Variants in PTPRC observed in about 807,000 individuals in gnomAD.
The protein encoded by PTPRC is protein tyrosine phosphatase receptor type C, also known as receptor-type tyrosine-protein phosphatase C.
In PTPRC, 44 loss-of-function variants were observed where a neutral mutation model predicts 155.9. The ratio of observed to expected loss-of-function variants is 0.28; its 90% CI spans 0.22 to 0.36. The LOEUF (loss-of-function observed/expected upper bound fraction) is 0.36, where lower values mean the gene tolerates loss of function less well. PTPRC is among the 10% of genes least tolerant of loss of function. The pLI, the probability that PTPRC is intolerant of heterozygous loss-of-function variation, is 1.00. For synonymous variants in PTPRC, 525 were observed against 533.1 expected (o/e 0.98, Z 0.21); for missense variants, 1,401 against 1,564.6 (o/e 0.90, Z 1.76).
At chr1:198,661,249 T>C (rs1168318423) in intron 2 of PTPRC, among the ~76,000 whole-genome samples, 2 of 151,442 alleles carry the variant, frequency 1.3e-5, no homozygotes, top group Non-Finnish European at 1.5e-5. Flanking sequence ...TAAAGAGGTT[T>C]TGTCTATGTG....
At chr1:198,639,651 A>C (rs962940315) in intron 2 of PTPRC, among the ~76,000 whole-genome samples, 4 of 152,114 alleles carry the variant, frequency 2.6e-5, no homozygotes, top group Non-Finnish European at 5.9e-5. Flanking sequence ...TTCCAAAGTG[A>C]CAATAACACA....
chr1:198,721,069 A>G (rs1449944598), intron 14 of PTPRC, among the ~76,000 whole-genome samples: 1 of 152,194 alleles, frequency 6.6e-6, no homozygotes, highest in Non-Finnish European at 1.5e-5. Flanking sequence ...TTAACGTTCA[A>G]AGTAGGAGAT....
At chr1:198,654,922 C>A (rs914753261) in intron 2 of PTPRC, among the ~76,000 whole-genome samples, 1 of 151,806 alleles carries the variant, frequency 6.6e-6, no homozygotes, top group African/African-American at 2.4e-5. Context: ...GGAAATATAT[C>A]AGTGGACTGA....
chr1:198,709,441 GA>G (rs1200570966), intron 10 of PTPRC, among the ~76,000 whole-genome samples: 6 of 144,916 alleles, frequency 4.1e-5, no homozygotes, highest in Admixed American at 6.9e-5. Context: ...TCCAAAATCT[GA>G]AAAAAAAAAC....
At chr1:198,680,136 G>A in intron 2 of PTPRC, 1 of 411,680 alleles carries the variant, frequency 2.4e-6, no homozygotes, top group Non-Finnish European at 4.3e-6. Context: ...AGCCAGGGAA[G>A]CCGGGGCTCA....
Position 198,733,541 on chromosome 1 carries a change from G to A in PTPRC, c.2143-655G>A, listed in dbSNP as rs576850113. On this transcript the variant is annotated intron_variant, in intron 20 of 32. Coordinates refer to ENST00000442510, the MANE Select transcript of PTPRC (RefSeq NM_002838.5). ...GGCAAAGGTCATCCCTCTCTGAAGA[G>A]CTCCTTTAGTTACTGAGGTGAATTT... 1.4e-4 allele frequency among the ~76,000 whole-genome samples: 21 copies of A among 151,892 alleles called. 1 individual carries two copies. The South Asian group carries it at 4.3e-3, about 31-fold the overall frequency.
intron 7 of PTPRC, 91 bp from the exon 8 acceptor site, chr1:198,704,381 A>T: frequency 3.1e-6 from 5 of 1,589,514 alleles, no homozygotes; most frequent in Non-Finnish European, 4.3e-6. Context: ...TTTATGAAGT[A>T]GAAGTATTGT....
chr1:198,698,847 A>G (rs191499840), intron 4 of PTPRC, among the ~76,000 whole-genome samples: 2 of 152,304 alleles, frequency 1.3e-5, no homozygotes, highest in Middle Eastern at 3.4e-3. Context: ...AAGACACACA[A>G]TGAAAATACC....
intron 2 of PTPRC, among the ~76,000 whole-genome samples, chr1:198,683,805 A>G (rs1312766534): frequency 6.6e-6 from 1 of 152,102 alleles, no homozygotes; most frequent in East Asian, 1.9e-4. Context: ...ATAAATATAC[A>G]TAACTGATAA....
intron 23 of PTPRC, among the ~76,000 whole-genome samples, chr1:198,737,439 T>A (rs1490154840): frequency 6.6e-6 from 1 of 151,666 alleles, no homozygotes; most frequent in East Asian, 1.9e-4. Context: ...TACAATCTAT[T>A]GTGGAGACTG....
At chr1:198,693,076 T>G in intron 3 of PTPRC, 6 of 977,038 alleles carry the variant, frequency 6.1e-6, no homozygotes, top group Non-Finnish European at 7.3e-6. Flanking sequence ...ATTAAGAAGG[T>G]AAGTAAAACA....
intron 14 of PTPRC, among the ~76,000 whole-genome samples, chr1:198,720,205 G>A (rs562986901): frequency 4.5e-4 from 69 of 152,284 alleles, no homozygotes; most frequent in South Asian, 2.3e-3. Context: ...AGTGAGTAGA[G>A]ACGGTGTTGG....
At position 198,665,079 on chromosome 1, in the gene PTPRC, CATT is replaced by C. The variant is rs1348967492; in HGVS notation, c.73+25739_73+25741del. 7.9e-3 allele frequency among the ~76,000 whole-genome samples: 809 copies of C among 102,178 alleles called. 126 individuals are homozygous for C. Among genetic ancestry groups the C allele is most frequent in the African/African-American group, 0.025 (715 of 28,172 alleles). 67.0% of individuals were successfully genotyped at this position (102,178 alleles called of 152,430 possible). ...GAGTGTTTTTAGAACATCCCGGCAG[CATT>C]TTTTTTTTTTTTTTTTTTTTTTTTT... On this transcript the variant is annotated intron_variant, in intron 2 of 32. Transcript: ENST00000442510.
At chr1:198,752,892 T>C in intron 31 of PTPRC, 120 bp downstream of exon 31, 1 of 1,064,738 alleles carries the variant, frequency 9.4e-7, no homozygotes, top group East Asian at 2.5e-5. Context: ...AAACTTCTTA[T>C]GGAGTCGGTC....
rs762923302 is a variant in PTPRC, at chr1:198,754,310, A to C, written c.3551A>C (p.Asn1184Thr). ...QQTGIFCALL[N>T]LLESAETEEV... Reference sequence around the variant, plus strand: ...ACGGGAATATTTTGTGCTTTGTTAAATCTCTTAGAAAGTGCGGAAACAGAA... The same window carrying C: ...ACGGGAATATTTTGTGCTTTGTTAACTCTCTTAGAAAGTGCGGAAACAGAA... The change falls in exon 32 of 33, where the codon AAT (asparagine) becomes ACT (threonine). Residue 1184 changes from asparagine (N) to threonine (T), a missense_variant. Asn to Thr is a moderately conservative substitution (Grantham distance 65). Around this residue, in one of 3 missense-constraint regions of PTPRC, gnomAD observed 400 missense variants for 389.5 expected, o/e 1.03. Transcript: ENST00000442510. 5.0e-6 allele frequency: 8 copies of C among 1,612,032 alleles called. No individual in the cohort carries two copies. Among genetic ancestry groups the C allele is most frequent in the Middle Eastern group, 1.7e-4 (1 of 6,056 alleles).
rs1187953980 is a variant in PTPRC at position 198,742,282 on chromosome 1, A to T, written c.2612A>T (p.Glu871Val). 6.2e-7 allele frequency: 1 copy of T among 1,612,234 alleles called. No homozygotes were observed. The highest frequency in any genetic ancestry group is 8.5e-7 in the Non-Finnish European group (1 of 1,178,922). The change falls in exon 25 of 33, where the codon GAA (glutamate) becomes GTA (valine). Residue 871 changes from glutamate to valine, a missense_variant. By Grantham distance (121) the Glu-to-Val change is moderately radical. Coordinates refer to ENST00000442510, the MANE Select transcript of PTPRC (RefSeq NM_002838.5). ...GTYIGIDAML[E>V]GLEAENKVDV... ...TATATCGGAATTGATGCCATGCTAGAAGGCCTGGAAGCCGAGAACAAAGTG... is the reference window on the plus strand; with the variant it reads ...TATATCGGAATTGATGCCATGCTAGTAGGCCTGGAAGCCGAGAACAAAGTG...
chr1:198,706,126 T>C (rs369705916), intron 8 of PTPRC, among the ~76,000 whole-genome samples: 3 of 152,208 alleles, frequency 2.0e-5, no homozygotes, highest in Non-Finnish European at 4.4e-5. Context: ...TAAAAACAAA[T>C]GAATAAATTT....
At chr1:198,708,597 T>C (rs1035336368) in intron 10 of PTPRC, among the ~76,000 whole-genome samples, 8 of 152,136 alleles carry the variant, frequency 5.3e-5, no homozygotes, top group Non-Finnish European at 1.2e-4. Flanking sequence ...AAGGGTGTTA[T>C]AAGGAAATGA....
rs1357653900 is a variant in PTPRC, at chr1:198,650,631, T to C, written c.73+11290T>C. ...GGTGGTAGAGAGGTCAAGAAATCCG[T>C]TGGAGATAAGAGGCTGAGGCCCATT... On this transcript the variant is annotated intron_variant, in intron 2 of 32. Coordinates refer to ENST00000442510, the MANE Select transcript of PTPRC (RefSeq NM_002838.5). Among the ~76,000 whole-genome samples the C allele has an allele frequency of 4.0e-5, 6 of 151,774 alleles. No homozygotes were observed. In the South Asian group the frequency reaches 6.2e-4, roughly 16 times the overall value.
Sources: gnomAD v4.1 joint callset for allele counts (sites outside exome capture counted in the v4.1 genomes callset) on GRCh38, gnomAD v4.1.1 for gene constraint, gnomAD v4.1.1 regional missense constraint, MANE v1.5 for transcripts, NCBI Gene and HGNC (gene_info 2026-07-23, HGNC 2026-07-21) for gene names.